Variants in NAAA observed in about 807,000 individuals in gnomAD.
The protein encoded by NAAA is N-acylethanolamine acid amidase, also known as N-acylethanolamine-hydrolyzing acid amidase.
A neutral mutation model predicts 44.8 loss-of-function variants in NAAA; 39 were observed. The observed-to-expected ratio is 0.87, with a 90% CI of 0.67 to 1.14. NAAA has a LOEUF of 1.14. Among genes scored for constraint, NAAA ranks in the 50% most tolerant of loss-of-function variants. The pLI, the probability that NAAA is intolerant of heterozygous loss-of-function variation, is 0.00. For synonymous variants in NAAA, 178 were observed against 191.3 expected, an observed-to-expected ratio of 0.93 and a Z score of 0.58; for missense variants, 460 against 467.8, an observed-to-expected ratio of 0.98 and a Z score of 0.15.
At chr4:75,920,243 G>T (rs909481859) in intron 7 of NAAA, among the ~76,000 whole-genome samples, 2 of 152,214 alleles carry the variant, frequency 1.3e-5, no homozygotes, top group African/African-American at 4.8e-5. Flanking sequence ...CAAACTTGTG[G>T]GGTAGTAAAG....
chr4:75,920,742 G>T lies in NAAA; in HGVS notation c.898C>A (p.Arg300=), dbSNP rs529142915. ...HWKPAPKEDD[R]RTSAIKALNA... Reference sequence around the variant, plus strand: ...AGAAAGCACGTAGCAGCCTACCTCCGGTCATCTTCCTTGGGTGCTGGCTTC... The same window carrying T: ...AGAAAGCACGTAGCAGCCTACCTCCTGTCATCTTCCTTGGGTGCTGGCTTC... Residue 300 remains arginine (R), a synonymous_variant, in exon 7 of 11, where the codon CGG becomes AGG. Coordinates refer to ENST00000286733, the MANE Select transcript of NAAA (RefSeq NM_014435.4). 3 of 1,614,060 alleles carry T rather than the reference G, an allele frequency of 1.9e-6. No individual in the cohort carries two copies. The highest frequency in any genetic ancestry group is 2.5e-6 in the Non-Finnish European group (3 of 1,180,026).
rs192956878 is a variant in NAAA, at chr4:75,921,100, G to A, written c.690C>T (p.Phe230=). 1.9e-4 allele frequency: 294 copies of A among 1,582,934 alleles called. No individual in the cohort carries two copies. The highest frequency in any genetic ancestry group is 7.8e-4 in the South Asian group (67 of 85,600). ...TGGCCAACTTGCCAACAGCTGCTTC[G>A]AAGTTTTCCGACTCACTCAGGGTCT... ...IRATLSESEN[F]EAAVGKLAKT... is the part of the protein sequence containing the mutation. The change falls in exon 6 of 11, where the codon TTC becomes TTT. Residue 230 remains phenylalanine, a synonymous_variant. Transcript: ENST00000286733.
intron 9 of NAAA, among the ~76,000 whole-genome samples, chr4:75,916,182 A>AG (rs1725608881): frequency 6.6e-6 from 1 of 152,170 alleles, no homozygotes; most frequent in African/African-American, 2.4e-5. Context: ...CATGGCACAA[A>AG]GGGGCAGCAT....
intron 5 of NAAA, 147 bp from the exon 6 acceptor site, chr4:75,921,270 CAGGGCT>C (rs1726142231): frequency 1.3e-6 from 1 of 757,612 alleles, no homozygotes; most frequent in Admixed American, 3.7e-5. Flanking sequence ...CTCTTGTTAT[CAGGGCT>C]CCTAAGATGG....
At chr4:75,932,391 C>A (rs1181586189) in intron 3 of NAAA, among the ~76,000 whole-genome samples, 2 of 152,190 alleles carry the variant, frequency 1.3e-5, no homozygotes, top group Non-Finnish European at 2.9e-5. Context: ...TAACAAAGCT[C>A]TTTCATTTAA....
At chr4:75,937,030 T>C (rs1727784241) in intron 2 of NAAA, among the ~76,000 whole-genome samples, 1 of 152,356 alleles carries the variant, frequency 6.6e-6, no homozygotes, top group Non-Finnish European at 1.5e-5. Context: ...TTTGTTTTTT[T>C]ACTTTTCTAC....
intron 4 of NAAA, among the ~76,000 whole-genome samples, chr4:75,927,488 G>A (rs1726810788): frequency 6.6e-6 from 1 of 150,480 alleles, no homozygotes; most frequent in African/African-American, 2.4e-5. Context: ...CAGGCCTTGT[G>A]CAGTGGCTCA....
chr4:75,927,307 T>C (rs1296607193), intron 4 of NAAA, among the ~76,000 whole-genome samples: 1 of 151,018 alleles, frequency 6.6e-6, no homozygotes, highest in Admixed American at 6.6e-5. Flanking sequence ...TAGCCAGGCA[T>C]GATGGCACAT....
chr4:75,914,722 T>C (rs1725493852), intron 10 of NAAA, 146 bp downstream of exon 10: 1 of 578,348 alleles, frequency 1.7e-6, no homozygotes, highest in South Asian at 2.7e-5. Context: ...AAATATCTAA[T>C]GATGACAATC....
rs1728122622 is a variant in NAAA at position 75,940,157 on chromosome 4, A to T, written c.215T>A (p.Val72Asp). ...AAMAQVIGDR[V>D]PKWVHVLIGK... ...GATTAACACGTGCACCCACTTGGGG[A>T]CTCTGTCCCTAGAAACAAAAAGCAC... Residue 72 changes from valine (V) to aspartate (D), a missense_variant, in exon 2 of 11, where the codon GTC becomes GAC. Physicochemically the swap from Val to Asp is radical, Grantham distance 152. Coordinates refer to ENST00000286733, the MANE Select transcript of NAAA (RefSeq NM_014435.4). 2 of 1,612,864 alleles carry T rather than the reference A, an allele frequency of 1.2e-6. No individual in the cohort carries two copies. Among genetic ancestry groups the T allele is most frequent in the African/African-American group, 2.7e-5 (2 of 74,860 alleles).
chr4:75,928,250 AG>A (rs1246455737), intron 4 of NAAA, among the ~76,000 whole-genome samples: 1 of 152,226 alleles, frequency 6.6e-6, no homozygotes, highest in African/African-American at 2.4e-5. Flanking sequence ...GGTTTTAAGC[AG>A]GGGAACAACC....
rs1014732979 is a variant in NAAA, at chr4:75,913,766, C to G, written c.*609G>C. 4.1e-6 allele frequency: 4 copies of G among 982,880 alleles called. No individual in the cohort carries two copies. The highest frequency in any genetic ancestry group is 3.6e-6 in the Non-Finnish European group (3 of 827,902). The allele number at this position is 982,880 out of a possible 1,614,324, so 60.9% of individuals were successfully genotyped here. The stretch of plus-strand genomic sequence containing the variant: ...TTGGTTGCATATTATTTTCAAAAAG[C>G]AGTAAGAAAGTAGCTATTGAGAAAG... On this transcript the variant is annotated 3_prime_UTR_variant, in exon 11 of 11. Transcript: ENST00000286733.
At chr4:75,918,885 G>T in intron 8 of NAAA, 96 bp from the exon 9 acceptor site, 2 of 1,206,972 alleles carry the variant, frequency 1.7e-6, no homozygotes, top group Non-Finnish European at 2.4e-6. Context: ...GCTCAGGCCT[G>T]TAATCCCAGC....
chr4:75,917,307 G>C (rs1725717481), intron 9 of NAAA, among the ~76,000 whole-genome samples: 1 of 152,108 alleles, frequency 6.6e-6, no homozygotes, highest in Admixed American at 6.6e-5. Flanking sequence ...CCATGTGGGA[G>C]TATTCACACC....
chr4:75,936,739 C>G (rs995066697), intron 2 of NAAA, among the ~76,000 whole-genome samples: 1 of 152,148 alleles, frequency 6.6e-6, no homozygotes, highest in African/African-American at 2.4e-5. Flanking sequence ...TCTTAAGGGA[C>G]TTGGCACTTT....
At chr4:75,939,232 G>T (rs781106600) in intron 2 of NAAA, among the ~76,000 whole-genome samples, 1 of 152,076 alleles carries the variant, frequency 6.6e-6, no homozygotes, top group African/African-American at 2.4e-5. Context: ...TGTCGCCCCA[G>T]CCCTGGTGGA....
At chr4:75,939,143 G>A (rs575852549) in intron 2 of NAAA, among the ~76,000 whole-genome samples, 1 of 152,176 alleles carries the variant, frequency 6.6e-6, no homozygotes, top group South Asian at 2.1e-4. Flanking sequence ...GTGAGCCACC[G>A]CGCCCAGCCT....
chr4:75,918,575 C>G (rs1725843613), intron 9 of NAAA, among the ~76,000 whole-genome samples, 186 bp downstream of exon 9: 1 of 152,046 alleles, frequency 6.6e-6, no homozygotes, highest in Admixed American at 6.6e-5. Flanking sequence ...CCACCCCACC[C>G]ATATTAGTCC....
chr4:75,928,103 C>G (rs1018432700), intron 4 of NAAA, among the ~76,000 whole-genome samples: 2 of 151,748 alleles, frequency 1.3e-5, no homozygotes, highest in Admixed American at 1.3e-4. Context: ...TTCCTCCTGT[C>G]TAATTGAAAC....
Sources: gnomAD v4.1 joint callset for allele counts (sites outside exome capture counted in the v4.1 genomes callset) on GRCh38, gnomAD v4.1.1 for gene constraint, MANE v1.5 for transcripts, NCBI Gene and HGNC (gene_info 2026-07-23, HGNC 2026-07-21) for gene names.